Variants in PDE7A observed in about 807,000 individuals in gnomAD.
PDE7A encodes phosphodiesterase 7A, also known as high affinity 3',5'-cyclic-AMP phosphodiesterase 7A.
A neutral mutation model predicts 64.3 loss-of-function variants in PDE7A; 39 were observed. That is an observed-to-expected ratio of 0.61 (90% CI 0.47 to 0.79). PDE7A has a LOEUF of 0.79. Ranked by LOEUF, PDE7A falls within the 30% of genes least tolerant of loss-of-function variation. The pLI is 0.00. For missense variants in PDE7A, 470 were observed against 582.8 expected, an observed-to-expected ratio of 0.81 and a Z score of 1.99; for synonymous variants, 203 against 206.8, an observed-to-expected ratio of 0.98 and a Z score of 0.16.
At chr8:65,833,916 A>T (rs544954760) in intron 1 of PDE7A, among the ~76,000 whole-genome samples, 1 of 152,272 alleles carries the variant, frequency 6.6e-6, no homozygotes, top group East Asian at 1.9e-4. Flanking sequence ...CTGCCATTGC[A>T]CTCTAGCCTG....
chr8:65,822,514 G>A (rs11992833), intron 1 of PDE7A, among the ~76,000 whole-genome samples: 3,304 of 152,288 alleles, frequency 0.022, 57 homozygotes, highest in African/African-American at 0.048. Context: ...TATCTACTTG[G>A]TGTGAAGCAC....
chr8:65,801,123 A>C (rs1380404753), intron 1 of PDE7A, among the ~76,000 whole-genome samples: 1 of 152,138 alleles, frequency 6.6e-6, no homozygotes, highest in Non-Finnish European at 1.5e-5. Context: ...CCTGGGCAAC[A>C]CAGTGAGACC....
At chr8:65,759,031 C>T (rs1808368558) in intron 3 of PDE7A, among the ~76,000 whole-genome samples, 1 of 152,194 alleles carries the variant, frequency 6.6e-6, no homozygotes. Context: ...CTTGACTCAG[C>T]CCATCTCTAC....
rs1273724217 is a variant in PDE7A at position 65,715,800 on chromosome 8, A to G, written c.*3490T>C. The stretch of plus-strand genomic sequence containing the variant: ...GGAGATTGAGACCATCCTGGCTAAC[A>G]TGGTGAAACCCTAACTCTACTAATA... On this transcript the variant is annotated 3_prime_UTR_variant, in exon 13 of 13. Transcript: ENST00000401827. Among the ~76,000 whole-genome samples the G allele has an allele frequency of 1.3e-5, 2 of 148,654 alleles. No homozygotes were observed. The highest frequency in any genetic ancestry group is 4.9e-5 in the African/African-American group (2 of 40,800).
chr8:65,805,567 G>C (rs1215157261), intron 1 of PDE7A, among the ~76,000 whole-genome samples: 4 of 152,106 alleles, frequency 2.6e-5, no homozygotes, highest in Non-Finnish European at 4.4e-5. Context: ...TAACAGCATG[G>C]ACTTACCATC....
chr8:65,789,300 T>C (rs1585919902), intron 1 of PDE7A, among the ~76,000 whole-genome samples: 1 of 152,342 alleles, frequency 6.6e-6, no homozygotes, highest in Middle Eastern at 3.4e-3. Flanking sequence ...ACAATCTTAG[T>C]ACTAACAGAG....
At chr8:65,780,964 C>G (rs1198007678) in intron 2 of PDE7A, 3 of 152,216 alleles carry the variant, frequency 2.0e-5, no homozygotes, top group African/African-American at 7.2e-5. Flanking sequence ...CAAATGTTAA[C>G]ATGTCAAGCA....
At chr8:65,725,033 A>G in intron 9 of PDE7A, 112 bp from the exon 10 acceptor site, 1 of 519,648 alleles carries the variant, frequency 1.9e-6, no homozygotes, top group Admixed American at 4.0e-5. Flanking sequence ...AAAATATCCA[A>G]CTATCATTCA....
In PDE7A at chr8:65,793,232, G is replaced by A. The variant is rs115376016; in HGVS notation, c.139-10389C>T. 4.9e-3 allele frequency among the ~76,000 whole-genome samples: 744 copies of A among 152,160 alleles called. 3 individuals are homozygous for A. Among genetic ancestry groups the A allele is most frequent in the African/African-American group, 0.016 (665 of 41,508 alleles). Reference sequence around the variant, plus strand: ...TCAAACTAGTGGAAGAATTCTAGAAGTAGCCAACAAGACTCTTCATTAGAT... The same window carrying A: ...TCAAACTAGTGGAAGAATTCTAGAAATAGCCAACAAGACTCTTCATTAGAT... On this transcript the variant is annotated intron_variant, in intron 1 of 12. Transcript: ENST00000401827.
At chr8:65,810,978 G>A (rs1810246864) in intron 1 of PDE7A, among the ~76,000 whole-genome samples, 1 of 151,978 alleles carries the variant, frequency 6.6e-6, no homozygotes, top group East Asian at 1.9e-4. Flanking sequence ...CATAATGAGG[G>A]AAAAAATTTA....
chr8:65,728,288 A>T (rs1400784261), intron 7 of PDE7A: 1 of 152,170 alleles, frequency 6.6e-6, no homozygotes, highest in Non-Finnish European at 1.5e-5. Context: ...CAACAAAGAT[A>T]AAAACTGAAA....
intron 1 of PDE7A, among the ~76,000 whole-genome samples, chr8:65,824,579 T>G (rs1810622304): frequency 6.6e-6 from 1 of 152,160 alleles, no homozygotes; most frequent in South Asian, 2.1e-4. Context: ...TTATCCTATT[T>G]TAAGAAATTG....
At chr8:65,819,960 T>C (rs1810502735) in intron 1 of PDE7A, among the ~76,000 whole-genome samples, 1 of 152,202 alleles carries the variant, frequency 6.6e-6, no homozygotes, top group African/African-American at 2.4e-5. Context: ...CAGACTGAAG[T>C]GTGAAATTGT....
chr8:65,841,850 C>A lies in PDE7A; in HGVS notation c.-342G>T. On this transcript the variant is annotated 5_prime_UTR_variant, in exon 1 of 13. Transcript: ENST00000401827. ...TCCTCGGCCGAGAGGAGCAGGTACC[C>A]GGACTGCAGAGTTCGAGCGCAGCAC... 6.4e-6 allele frequency: 1 copy of A among 157,362 alleles called. No individual in the cohort carries two copies. The highest frequency in any genetic ancestry group is 1.7e-4 in the South Asian group (1 of 5,924). The allele number at this position is 157,362 out of a possible 1,614,324, so 9.7% of individuals were successfully genotyped here. A position where few individuals can be genotyped will look rare whatever the true frequency, so the allele number is the denominator to read the frequency against.
chr8:65,745,536 C>A, intron 4 of PDE7A, 66 bp from the exon 5 acceptor site: 1 of 865,624 alleles, frequency 1.2e-6, no homozygotes. Context: ...TGGAGATATT[C>A]CATAGAGAAG....
chr8:65,814,261 C>T (rs1810327999), intron 1 of PDE7A, among the ~76,000 whole-genome samples: 3 of 151,862 alleles, frequency 2.0e-5, no homozygotes, highest in Admixed American at 1.3e-4. Context: ...CCTGTAATCC[C>T]AGCACTTTGG....
rs560560556 is a variant in PDE7A at position 65,745,572 on chromosome 8, T to C, written c.436-102A>G. The C allele has an allele frequency of 1.6e-4, 108 of 666,098 alleles. No homozygotes were observed. The African/African-American group carries it at 1.9e-3, about 12-fold the overall frequency. The allele number at this position is 666,098 out of a possible 1,614,324, so 41.3% of individuals were successfully genotyped here. On this transcript the variant is annotated intron_variant, in intron 4 of 12. Transcript: ENST00000401827. ...TTAAAGAAAATGTAAAGTGATTGAT[T>C]TACTTTAAAAAATACAAGTATCATT...
intron 1 of PDE7A, among the ~76,000 whole-genome samples, chr8:65,798,192 ATATATATATAT>A (rs1300515019): frequency 4.6e-5 from 1 of 21,550 alleles, no homozygotes; most frequent in Admixed American, 8.0e-4. Context: ...ATATATATAT[ATATATATATAT>A]ATATTTTTTT....
intron 1 of PDE7A, among the ~76,000 whole-genome samples, chr8:65,815,980 T>C (rs182706307): frequency 1.5e-4 from 23 of 152,366 alleles, no homozygotes; most frequent in African/African-American, 5.3e-4. Flanking sequence ...TGTCTTCTAT[T>C]AAGGTAGACG....
Sources: allele counts gnomAD v4.1 joint callset (sites outside exome capture counted in the v4.1 genomes callset), GRCh38; gene constraint gnomAD v4.1.1; transcripts MANE v1.5; gene names NCBI Gene and HGNC (gene_info 2026-07-23, HGNC 2026-07-21).